ELMOD1: variants seen among roughly 807,000 people sequenced by gnomAD.
The protein encoded by ELMOD1 is ELMO domain containing 1.
In ELMOD1, 21 loss-of-function variants were observed where a neutral mutation model predicts 46.7. The ratio of observed to expected loss-of-function variants is 0.45; its 90% CI spans 0.32 to 0.65. The LOEUF is 0.65. ELMOD1 is among the 30% of genes least tolerant of loss of function. The pLI is 0.04. For synonymous variants in ELMOD1, 122 were observed against 138.2 expected, an observed-to-expected ratio of 0.88 and a Z score of 0.82; for missense variants, 348 against 407.8, an observed-to-expected ratio of 0.85 and a Z score of 1.26.
chr11:107,606,760 A>C (rs1865691740), intron 1 of ELMOD1, among the ~76,000 whole-genome samples: 2 of 152,062 alleles, frequency 1.3e-5, no homozygotes, highest in South Asian at 4.1e-4. Flanking sequence ...GCTTGAACCC[A>C]GGAGGCGGAG....
chr11:107,650,966 G>T, intron 9 of ELMOD1, 58 bp downstream of exon 9: 1 of 962,684 alleles, frequency 1.0e-6, no homozygotes. Flanking sequence ...AATAAGTATG[G>T]GTAAGAATTT....
At chr11:107,643,591 C>T in intron 6 of ELMOD1, 1 of 525,282 alleles carries the variant, frequency 1.9e-6, no homozygotes, top group Non-Finnish European at 3.9e-6. Context: ...CAGTTGCTGT[C>T]ATTTGAGTAC....
chr11:107,662,219 C>A (rs1160721986), intron 11 of ELMOD1, among the ~76,000 whole-genome samples: 3 of 152,222 alleles, frequency 2.0e-5, no homozygotes, highest in Non-Finnish European at 4.4e-5. Flanking sequence ...TCCTAGCTCA[C>A]TGAAGCCTCA....
chr11:107,662,809 T>C (rs1344307698), intron 11 of ELMOD1, among the ~76,000 whole-genome samples: 2 of 151,838 alleles, frequency 1.3e-5, no homozygotes, highest in Non-Finnish European at 2.9e-5. Flanking sequence ...CTCGAATTGC[T>C]TGAACCTGGG....
At chr11:107,618,014 GTTA>G (rs1865889559) in intron 1 of ELMOD1, 88 bp from the exon 2 acceptor site, 1 of 660,298 alleles carries the variant, frequency 1.5e-6, no homozygotes, top group Non-Finnish European at 2.8e-6. Flanking sequence ...TGGCTGGCAT[GTTA>G]ACTGCTTGCC....
chr11:107,591,897 G>A (rs775351664), intron 1 of ELMOD1: 2 of 494,342 alleles, frequency 4.0e-6, no homozygotes, highest in Non-Finnish European at 8.4e-6. Context: ...GGGGTCCTCC[G>A]CGCAGCGAGC....
At chr11:107,650,740 G>C (rs1172370875) in intron 8 of ELMOD1, 145 bp from the exon 9 acceptor site, 2 of 624,528 alleles carry the variant, frequency 3.2e-6, no homozygotes, top group Admixed American at 8.0e-5. Context: ...ACAGAAGGAA[G>C]AATGGAAGTT....
intron 11 of ELMOD1, 86 bp from the exon 12 acceptor site, chr11:107,664,939 A>G (rs1866815525): frequency 1.5e-6 from 2 of 1,320,868 alleles, no homozygotes; most frequent in Non-Finnish European, 2.1e-6. Context: ...TTGGTTCAGC[A>G]TCTTCCTCAG....
chr11:107,620,527 T>C (rs1337471260), intron 2 of ELMOD1: 2 of 152,264 alleles, frequency 1.3e-5, no homozygotes, highest in Admixed American at 1.3e-4. Flanking sequence ...ATATTGGGTA[T>C]GTATCCCCAG....
rs1241610639 is a variant in ELMOD1 at position 107,620,988 on chromosome 11, G to T, written c.17+2782G>T. 2.0e-5 allele frequency among the ~76,000 whole-genome samples: 3 copies of T among 152,272 alleles called. 1 individual carries two copies. The highest frequency in any genetic ancestry group is 6.8e-3 in the Middle Eastern group (2 of 294). On this transcript the variant is annotated intron_variant, in intron 2 of 11. Transcript: ENST00000265840. Reference sequence around the variant, plus strand: ...GTCCCAGCTAGAACAAAAGCTTAGGGTTTCATTTTTGTAATATATTTTACT... The same window carrying T: ...GTCCCAGCTAGAACAAAAGCTTAGGTTTTCATTTTTGTAATATATTTTACT...
At chr11:107,622,945 AAC>A (rs566349942) in intron 2 of ELMOD1, among the ~76,000 whole-genome samples, 134 of 152,250 alleles carry the variant, frequency 8.8e-4, no homozygotes, top group African/African-American at 2.9e-3. Context: ...TACATATATA[AAC>A]ACACACAAAT....
intron 8 of ELMOD1, 24 bp from the exon 9 acceptor site, chr11:107,650,861 A>AT: frequency 1.8e-6 from 2 of 1,100,414 alleles, no homozygotes; most frequent in South Asian, 1.7e-5. Flanking sequence ...TACTTTTCTA[A>AT]TTTTTTTCTT....
At chr11:107,603,518 G>A (rs960378083) in intron 1 of ELMOD1, among the ~76,000 whole-genome samples, 2 of 152,090 alleles carry the variant, frequency 1.3e-5, no homozygotes, top group South Asian at 2.1e-4. Context: ...CAGCCTGGGC[G>A]ATAGAGCGAG....
chr11:107,630,318 C>A (rs2135687417), intron 2 of ELMOD1, 99 bp from the exon 3 acceptor site: 4 of 1,110,964 alleles, frequency 3.6e-6, no homozygotes, highest in Non-Finnish European at 5.0e-6. Context: ...TTTTTCTAAC[C>A]CCTGATTTTC....
intron 1 of ELMOD1, among the ~76,000 whole-genome samples, chr11:107,612,468 C>T (rs1865796625): frequency 6.6e-6 from 1 of 152,104 alleles, no homozygotes; most frequent in South Asian, 2.1e-4. Context: ...GCAACATACG[C>T]ATATAACAAA....
chr11:107,613,246 G>A (rs939720893), intron 1 of ELMOD1, among the ~76,000 whole-genome samples: 1 of 152,146 alleles, frequency 6.6e-6, no homozygotes. Flanking sequence ...CTCACTGAAT[G>A]TATATTAAAT....
At chr11:107,655,787 T>A in intron 10 of ELMOD1, 146 bp from the exon 11 acceptor site, 1 of 851,856 alleles carries the variant, frequency 1.2e-6, no homozygotes, top group Non-Finnish European at 1.7e-6. Context: ...GTTCTTCCCC[T>A]TTTAGACCAT....
intron 2 of ELMOD1, among the ~76,000 whole-genome samples, chr11:107,628,166 T>G (rs1790906463): frequency 7.6e-6 from 1 of 131,656 alleles, no homozygotes; most frequent in African/African-American, 3.2e-5. Flanking sequence ...GGGGTTTTTT[T>G]GTTTTGTTTT....
chr11:107,632,278 T>C (rs1348839488), intron 5 of ELMOD1, among the ~76,000 whole-genome samples: 2 of 152,236 alleles, frequency 1.3e-5, no homozygotes, highest in East Asian at 3.8e-4. Flanking sequence ...ACAGCAATTT[T>C]TCAGTAAAAT....
Sources: gnomAD v4.1 joint callset for allele counts (sites outside exome capture counted in the v4.1 genomes callset) on GRCh38, gnomAD v4.1.1 for gene constraint, MANE v1.5 for transcripts, NCBI Gene and HGNC (gene_info 2026-07-23, HGNC 2026-07-21) for gene names.